Variants in RNF111 observed in about 807,000 individuals in gnomAD.
RNF111 encodes the protein ring finger protein 111.
A neutral mutation model predicts 95.1 loss-of-function variants in RNF111; 17 were observed. The observed-to-expected ratio is 0.18, with a 90% CI of 0.12 to 0.27. The LOEUF (loss-of-function observed/expected upper bound fraction) is 0.27, where lower values mean the gene tolerates loss of function less well. Among genes scored for constraint, RNF111 ranks in the 10% least tolerant of loss-of-function variants. The pLI is 1.00. For missense variants in RNF111, 1,189 were observed against 1,210.4 expected, an observed-to-expected ratio of 0.98 and a Z score of 0.26; for synonymous variants, 440 against 414.8, an observed-to-expected ratio of 1.06 and a Z score of -0.74.
intron 6 of RNF111, among the ~76,000 whole-genome samples, chr15:59,073,886 T>C (rs565737840): frequency 6.6e-6 from 1 of 152,334 alleles, no homozygotes; most frequent in East Asian, 1.9e-4. Flanking sequence ...TTGAAATTAC[T>C]CCTTGATTCA....
chr15:59,019,709 A>G (rs1478948772), intron 1 of RNF111, among the ~76,000 whole-genome samples: 1 of 152,208 alleles, frequency 6.6e-6, no homozygotes, highest in Non-Finnish European at 1.5e-5. Flanking sequence ...CTGTAATCCC[A>G]GCACTTTGGG....
chr15:59,005,222 C>A (rs1486869385), intron 1 of RNF111, among the ~76,000 whole-genome samples: 2 of 152,172 alleles, frequency 1.3e-5, no homozygotes, highest in African/African-American at 4.8e-5. Context: ...GAGACAGTCT[C>A]ACCTATGTTG....
At chr15:59,004,641 C>G (rs1470136073) in intron 1 of RNF111, among the ~76,000 whole-genome samples, 2 of 152,166 alleles carry the variant, frequency 1.3e-5, no homozygotes, top group African/African-American at 4.8e-5. Flanking sequence ...ATTTTCACTT[C>G]ACTGTCTGAA....
chr15:59,026,367 G>T (rs1421868590), intron 1 of RNF111, among the ~76,000 whole-genome samples: 1 of 151,976 alleles, frequency 6.6e-6, no homozygotes, highest in African/African-American at 2.4e-5. Flanking sequence ...AGTATCAGGA[G>T]TAATTAGCAT....
At chr15:59,016,908 T>C (rs1402668813) in intron 1 of RNF111, among the ~76,000 whole-genome samples, 1 of 151,934 alleles carries the variant, frequency 6.6e-6, no homozygotes, top group Non-Finnish European at 1.5e-5. Context: ...ATGAACCCTA[T>C]TGTGAACTGC....
intron 1 of RNF111, chr15:59,003,875 A>G (rs1294031625): frequency 1.3e-5 from 2 of 154,084 alleles, no homozygotes; most frequent in Admixed American, 1.3e-4. Context: ...TTGAATGAGA[A>G]CCATAAATGA....
At chr15:59,020,188 T>C (rs1434680898) in intron 1 of RNF111, among the ~76,000 whole-genome samples, 1 of 149,182 alleles carries the variant, frequency 6.7e-6, no homozygotes. Flanking sequence ...AAATATACTA[T>C]ATATTTTGTA....
rs149223864 is a variant in RNF111 at position 58,991,929 on chromosome 15, T to C, written c.-20+3861T>C. 2.6e-3 allele frequency among the ~76,000 whole-genome samples: 395 copies of C among 152,330 alleles called. 2 individuals carry two copies. The highest frequency in any genetic ancestry group is 9.0e-3 in the African/African-American group (376 of 41,578). On this transcript the variant is annotated intron_variant, in intron 1 of 13. Coordinates refer to ENST00000348370, the MANE Select transcript of RNF111 (RefSeq NM_017610.8). ...GGTATTAGATGATATCAAGGAGTTA[T>C]TGTAACTTTGTTAGGGATGATAATG...
At chr15:59,070,003 A>AC (rs1414416950) in intron 6 of RNF111, among the ~76,000 whole-genome samples, 4 of 17,498 alleles carry the variant, frequency 2.3e-4, no homozygotes, top group African/African-American at 4.7e-4. Context: ...CACCATCCCC[A>AC]CCCCCCAACC....
At position 59,083,992 on chromosome 15, in the gene RNF111, TTTA is replaced by T. The variant is rs1172837852; in HGVS notation, c.2298-132_2298-130del. On this transcript the variant is annotated intron_variant, in intron 8 of 13. Transcript: ENST00000348370. Reference sequence around the variant, plus strand: ...CAAATAATTTTATATGTTTTTATAATTTATTATAAAATTTATTTTATGACTAAT... The same window carrying T: ...CAAATAATTTTATATGTTTTTATAATTTATAAAATTTATTTTATGACTAAT... The T allele has an allele frequency of 1.5e-5, 9 of 613,794 alleles. No homozygotes were observed. In the South Asian group the frequency reaches 2.6e-4, roughly 18 times the overall value. The allele number at this position is 613,794 out of a possible 1,614,324, so 38.0% of individuals were successfully genotyped here.
chr15:59,020,185 CTA>C (rs1377668248), intron 1 of RNF111, among the ~76,000 whole-genome samples: 1 of 147,474 alleles, frequency 6.8e-6, no homozygotes, highest in Admixed American at 6.8e-5. Context: ...TGCAAATATA[CTA>C]TATATTTTGT....
chr15:59,059,563 T>C (rs564836048), intron 5 of RNF111, among the ~76,000 whole-genome samples: 18 of 152,196 alleles, frequency 1.2e-4, no homozygotes, highest in African/African-American at 4.3e-4. Context: ...TTTGGTGATA[T>C]CCATTTTCTG....
chr15:59,049,142 A>G (rs1234451461), intron 2 of RNF111, among the ~76,000 whole-genome samples: 2 of 152,204 alleles, frequency 1.3e-5, no homozygotes, highest in Non-Finnish European at 2.9e-5. Context: ...GAACTTTTCC[A>G]TCTTCCAAAA....
intron 1 of RNF111, among the ~76,000 whole-genome samples, chr15:59,016,811 A>G (rs1318293873): frequency 6.6e-6 from 1 of 152,110 alleles, no homozygotes; most frequent in African/African-American, 2.4e-5. Flanking sequence ...GTGAAGCTTC[A>G]TCTATATTTA....
chr15:59,033,009 T>C (rs2040992309), intron 2 of RNF111, among the ~76,000 whole-genome samples: 1 of 152,214 alleles, frequency 6.6e-6, no homozygotes. Flanking sequence ...AATGCATCAC[T>C]TTTACAGTTG....
chr15:59,065,779 G>T (rs1842961531), intron 5 of RNF111, among the ~76,000 whole-genome samples: 1 of 152,124 alleles, frequency 6.6e-6, no homozygotes, highest in African/African-American at 2.4e-5. Context: ...TGCTGAGGTG[G>T]GCGGATCACC....
At chr15:58,998,872 G>A (rs1305337090) in intron 1 of RNF111, among the ~76,000 whole-genome samples, 1 of 152,116 alleles carries the variant, frequency 6.6e-6, no homozygotes, top group African/African-American at 2.4e-5. Flanking sequence ...AAAGAGGTGC[G>A]TAACTTGGTG....
intron 2 of RNF111, among the ~76,000 whole-genome samples, chr15:59,037,461 T>C (rs912115015): frequency 3.3e-5 from 5 of 152,182 alleles, no homozygotes; most frequent in East Asian, 1.9e-4. Flanking sequence ...CTGGAACTAA[T>C]TGACATTTAA....
At chr15:59,089,852 T>C in intron 11 of RNF111, 93 bp downstream of exon 11, 1 of 777,792 alleles carries the variant, frequency 1.3e-6, no homozygotes, top group Non-Finnish European at 2.1e-6. Context: ...GTAGGACTGC[T>C]ACAGTGGCTG....
Sources: gnomAD v4.1 joint callset for allele counts (sites outside exome capture counted in the v4.1 genomes callset) on GRCh38, gnomAD v4.1.1 for gene constraint, MANE v1.5 for transcripts, NCBI Gene and HGNC (gene_info 2026-07-23, HGNC 2026-07-21) for gene names.